The following PPARD variants were observed in gnomAD, a reference collection of about 807,000 sequenced individuals.
The protein encoded by PPARD is peroxisome proliferator-activated receptor delta.
PPARD carries 6 observed loss-of-function variants against 39.5 expected under a neutral mutation model. The ratio of observed to expected loss-of-function variants is 0.15; its 90% CI spans 0.08 to 0.30. The LOEUF (loss-of-function observed/expected upper bound fraction) is 0.30. Ranked by LOEUF, PPARD falls within the 10% of genes least tolerant of loss-of-function variation. The pLI, the probability that PPARD is intolerant of heterozygous loss-of-function variation, is 1.00. For missense variants in PPARD, 397 were observed against 596.8 expected (o/e 0.67, Z 3.49); for synonymous variants, 210 against 231.3 (o/e 0.91, Z 0.83).
intron 2 of PPARD, among the ~76,000 whole-genome samples, chr6:35,351,825 T>A (rs1168938643): frequency 6.6e-6 from 1 of 151,710 alleles, no homozygotes; most frequent in Non-Finnish European, 1.5e-5. Context: ...GCCTCCCAAA[T>A]TACTGGGATT....
At chr6:35,407,269 TG>T (rs1036310148) in intron 2 of PPARD, among the ~76,000 whole-genome samples, 1 of 152,186 alleles carries the variant, frequency 6.6e-6, no homozygotes, top group African/African-American at 2.4e-5. Flanking sequence ...TGGTGTGCAT[TG>T]CCCCGTGTCC....
chr6:35,391,103 G>A (rs929494237), intron 2 of PPARD, among the ~76,000 whole-genome samples: 5 of 152,118 alleles, frequency 3.3e-5, no homozygotes, highest in Admixed American at 6.5e-5. Context: ...ATATATGATT[G>A]TATATATTTC....
rs199884078 is a variant in PPARD, at chr6:35,426,196, C to T, written c.*117C>T. 9.2e-6 allele frequency: 13 copies of T among 1,405,656 alleles called. No individual in the cohort carries two copies. Among genetic ancestry groups the T allele is most frequent in the Middle Eastern group, 2.0e-4 (1 of 5,118 alleles). 87.1% of individuals were successfully genotyped at this position (1,405,656 alleles called of 1,614,324 possible). A position where few individuals can be genotyped will look rare whatever the true frequency, so the allele number is the denominator to read the frequency against. On this transcript the variant is annotated 3_prime_UTR_variant, in exon 8 of 8. Coordinates refer to ENST00000360694, the MANE Select transcript of PPARD (RefSeq NM_006238.5). ...CCCGGCCTGGAGCAGCAGAGTCCCACGATCGCCCTCAGACACATGACACCC... is the reference window on the plus strand; with the variant it reads ...CCCGGCCTGGAGCAGCAGAGTCCCATGATCGCCCTCAGACACATGACACCC...
intron 2 of PPARD, among the ~76,000 whole-genome samples, chr6:35,394,269 C>T (rs970431596): frequency 6.6e-6 from 1 of 152,204 alleles, no homozygotes; most frequent in Non-Finnish European, 1.5e-5. Flanking sequence ...CTGTATGTCA[C>T]GGCCATCCTG....
At chr6:35,400,224 A>G (rs1407170697) in intron 2 of PPARD, among the ~76,000 whole-genome samples, 1 of 152,188 alleles carries the variant, frequency 6.6e-6, no homozygotes, top group African/African-American at 2.4e-5. Context: ...ATTGCCTCTC[A>G]TGGGGCCTGC....
At position 35,426,339 on chromosome 6, in the gene PPARD, C is replaced by A. The variant is rs1438960133; in HGVS notation, c.*260C>A. ...TTTTCTAATTCCTGTTGCTCTGTTT[C>A]TTCCTTTCTGTAGGTTTCTCTCTTC... On this transcript the variant is annotated 3_prime_UTR_variant, in exon 8 of 8. Coordinates refer to ENST00000360694, the MANE Select transcript of PPARD (RefSeq NM_006238.5). The A allele has an allele frequency of 3.7e-6, 2 of 546,982 alleles. No homozygotes were observed. The highest frequency in any genetic ancestry group is 6.7e-5 in the Admixed American group (2 of 29,780). The allele number at this position is 546,982 out of a possible 1,614,324, so 33.9% of individuals were successfully genotyped here.
rs1792232542 is a variant in PPARD at position 35,347,146 on chromosome 6, A to G, written c.-106A>G. On this transcript the variant is annotated 5_prime_UTR_variant, in exon 2 of 8. Transcript: ENST00000360694. ...CCAACAGATGAAGACAGATGCACCA[A>G]CGAGGTAATCCCATTTTCTTTACTC... The G allele has an allele frequency of 3.3e-6, 5 of 1,536,152 alleles. No individual in the cohort carries two copies. In the South Asian group the frequency reaches 4.8e-5, roughly 15 times the overall value.
At chr6:35,406,657 C>T (rs767659331) in intron 2 of PPARD, among the ~76,000 whole-genome samples, 5 of 152,122 alleles carry the variant, frequency 3.3e-5, no homozygotes, top group Non-Finnish European at 7.4e-5. Context: ...GAGATGTCAG[C>T]GTGGGAACTA....
chr6:35,424,127 C>T lies in PPARD; in HGVS notation c.606C>T (p.Thr202=), dbSNP rs9658160. ...MTKKKARSIL[T]GKASHTAPFV... ...AAAAGAAGGCCCGCAGCATCCTCAC[C>T]GGCAAAGCCAGCCACACGGCGGTGA... The change falls in exon 6 of 8, where the codon ACC becomes ACT. Residue 202 remains threonine (T), a synonymous_variant. Coordinates refer to ENST00000360694, the MANE Select transcript of PPARD (RefSeq NM_006238.5). The surrounding 1 kb of genome is among the most constrained non-coding windows in gnomAD (Gnocchi z 7.1). 354 of 1,613,098 alleles carry T rather than the reference C, an allele frequency of 2.2e-4. 2 individuals are homozygous for T. In the East Asian group the frequency reaches 3.6e-3, roughly 16 times the overall value.
chr6:35,370,557 A>G (rs1239686077), intron 2 of PPARD, among the ~76,000 whole-genome samples: 2 of 152,168 alleles, frequency 1.3e-5, no homozygotes, highest in African/African-American at 2.4e-5. Context: ...GGGCACCCAC[A>G]TGGCTGGTAA....
chr6:35,420,073 C>T (rs1178641486), intron 3 of PPARD, 54 bp from the exon 4 acceptor site: 7 of 1,588,228 alleles, frequency 4.4e-6, no homozygotes, highest in Non-Finnish European at 5.1e-6. Context: ...TTCCCACGCC[C>T]TGGCTTCCAG....
chr6:35,396,378 G>C (rs889504479), intron 2 of PPARD, among the ~76,000 whole-genome samples: 4 of 150,672 alleles, frequency 2.7e-5, no homozygotes, highest in African/African-American at 4.9e-5. Context: ...CCAATTTTTT[G>C]TATTTTTAGT....
At chr6:35,382,303 C>G (rs145743786) in intron 2 of PPARD, among the ~76,000 whole-genome samples, 37 of 152,230 alleles carry the variant, frequency 2.4e-4, no homozygotes, top group African/African-American at 7.7e-4. Context: ...GGAATGGGGT[C>G]GTTGTCAGGA....
chr6:35,394,988 A>G (rs1333749371), intron 2 of PPARD, among the ~76,000 whole-genome samples: 1 of 152,058 alleles, frequency 6.6e-6, no homozygotes, highest in Non-Finnish European at 1.5e-5. Context: ...GGTTGCCCAG[A>G]GGTACACAGC....
chr6:35,394,353 A>G (rs1435399395), intron 2 of PPARD, among the ~76,000 whole-genome samples: 3 of 152,220 alleles, frequency 2.0e-5, no homozygotes, highest in Non-Finnish European at 4.4e-5. Flanking sequence ...ATCTTGAGGT[A>G]GTCTTCTTCA....
At chr6:35,382,429 T>C (rs988902310) in intron 2 of PPARD, among the ~76,000 whole-genome samples, 5 of 152,216 alleles carry the variant, frequency 3.3e-5, no homozygotes. Context: ...TTCACCCACA[T>C]TAATTTAACC....
chr6:35,396,757 G>C (rs9658111), intron 2 of PPARD, among the ~76,000 whole-genome samples: 21,139 of 151,732 alleles, frequency 0.14, 3,004 homozygotes, highest in African/African-American at 0.36. Context: ...TTTAACCCAG[G>C]AGGCAGAGGT....
At position 35,345,002 on chromosome 6, in the gene PPARD, T is replaced by C. The variant is rs142535945; in HGVS notation, c.-185-2065T>C. ...AGAGGTCAAGTGTTGGACAGATTTT[T>C]AGTCTAGTCTCTGGCTTTCAAGGAC... On this transcript the variant is annotated intron_variant, in intron 1 of 7. Transcript: ENST00000360694. Among the ~76,000 whole-genome samples the C allele has an allele frequency of 3.3e-5, 5 of 152,294 alleles. No individual in the cohort carries two copies. In the East Asian group the frequency reaches 9.6e-4, roughly 29 times the overall value.
intron 2 of PPARD, among the ~76,000 whole-genome samples, chr6:35,392,672 A>T (rs768223791): frequency 2.0e-5 from 3 of 152,120 alleles, no homozygotes; most frequent in Non-Finnish European, 4.4e-5. Context: ...CGTGCTCGGG[A>T]CGCCCCAGGA....
Sources: allele counts gnomAD v4.1 joint callset (sites outside exome capture counted in the v4.1 genomes callset), GRCh38; gene constraint gnomAD v4.1.1; non-coding constraint Gnocchi (gnomAD v3.1); transcripts MANE v1.5; gene names NCBI Gene and HGNC (gene_info 2026-07-23, HGNC 2026-07-21).